Variants in RGS5 observed in about 807,000 individuals in gnomAD.
RGS5 encodes regulator of G protein signaling 5.
A neutral mutation model predicts 18.9 loss-of-function variants in RGS5; 20 were observed. That is an observed-to-expected ratio of 1.06 (90% confidence interval 0.74 to 1.54). The LOEUF (loss-of-function observed/expected upper bound fraction) is 1.54, where lower values mean the gene tolerates loss of function less well. Ranked by LOEUF, RGS5 falls within the 40% of genes most tolerant of loss-of-function variation. The pLI is 0.00. For synonymous variants in RGS5, 57 were observed against 76.2 expected (o/e 0.75, Z 1.31); for missense variants, 201 against 211.8 (o/e 0.95, Z 0.32).
At chr1:163,192,118 G>C (rs746719638) in intron 1 of RGS5, among the ~76,000 whole-genome samples, 1 of 152,062 alleles carries the variant, frequency 6.6e-6, no homozygotes, top group Non-Finnish European at 1.5e-5. Context: ...TAGCCTTTAC[G>C]ATAAATCAGT....
intron 2 of RGS5, among the ~76,000 whole-genome samples, chr1:163,262,184 T>C (rs1648461773): frequency 7.5e-6 from 1 of 133,536 alleles, no homozygotes; most frequent in Non-Finnish European, 1.6e-5. Context: ...TACTCTAAGT[T>C]TTAGGGTACA....
chr1:163,217,872 G>A (rs576572908), upstream of RGS5, among the ~76,000 whole-genome samples: 6 of 152,210 alleles, frequency 3.9e-5, no homozygotes, highest in East Asian at 1.9e-4. Flanking sequence ...AAATTGGTAC[G>A]CAGATTACGG....
At chr1:163,214,168 CA>C (rs1377621042) in intron 1 of RGS5, among the ~76,000 whole-genome samples, 1 of 152,094 alleles carries the variant, frequency 6.6e-6, no homozygotes, top group African/African-American at 2.4e-5. Context: ...ATTCTTATAG[CA>C]AAACCTAAGT....
At chr1:163,202,356 C>T (rs768758471) in intron 1 of RGS5, among the ~76,000 whole-genome samples, 4 of 152,194 alleles carry the variant, frequency 2.6e-5, no homozygotes, top group South Asian at 2.1e-4. Flanking sequence ...AGAGAACTCT[C>T]GGTATCTCCA....
At chr1:163,210,116 A>G (rs1175457886) in intron 1 of RGS5, among the ~76,000 whole-genome samples, 1 of 151,946 alleles carries the variant, frequency 6.6e-6, no homozygotes, top group Non-Finnish European at 1.5e-5. Flanking sequence ...CAACTTCCCA[A>G]GTTCCTAGGA....
intron 3 of RGS5, among the ~76,000 whole-genome samples, chr1:163,161,492 G>C (rs770654455): frequency 1.3e-5 from 2 of 152,188 alleles, no homozygotes; most frequent in Non-Finnish European, 2.9e-5. Context: ...CAGTATAATA[G>C]TTTGAACCAG....
chr1:163,167,321 C>A (rs1658096270), intron 2 of RGS5, among the ~76,000 whole-genome samples: 1 of 152,170 alleles, frequency 6.6e-6, no homozygotes, highest in Non-Finnish European at 1.5e-5. Flanking sequence ...AATTTGAATG[C>A]CTTGGCCTTT....
rs528147432 is a variant in RGS5, at chr1:163,151,912, T to C, written c.384+638A>G. Reference sequence around the variant, plus strand: ...AAATATTTACATATACATAATGAGATAAGATATCTTAATATGAGACCCAAG... The same window carrying C: ...AAATATTTACATATACATAATGAGACAAGATATCTTAATATGAGACCCAAG... On this transcript the variant is annotated intron_variant, in intron 4 of 4. Transcript: ENST00000313961. 9.2e-5 allele frequency among the ~76,000 whole-genome samples: 14 copies of C among 152,280 alleles called. No homozygotes were observed. The East Asian group carries it at 2.5e-3, about 27-fold the overall frequency.
At chr1:163,314,196 T>C (rs1258153110) in intron 1 of RGS5, among the ~76,000 whole-genome samples, 1 of 152,154 alleles carries the variant, frequency 6.6e-6, no homozygotes, top group African/African-American at 2.4e-5. Flanking sequence ...ATTATCTTAA[T>C]GGATTGTCCT....
At chr1:163,281,475 G>C (rs76781543) in intron 2 of RGS5, among the ~76,000 whole-genome samples, 1 of 152,126 alleles carries the variant, frequency 6.6e-6, no homozygotes, top group African/African-American at 2.4e-5. Flanking sequence ...AGAGGACGAG[G>C]GGGCCAGCCA....
rs1169308918 is a variant in RGS5 at position 163,161,967 on chromosome 1, C to A, written c.165G>T (p.Leu55=). 1.2e-6 allele frequency: 2 copies of A among 1,612,842 alleles called. No homozygotes were observed. The highest frequency in any genetic ancestry group is 1.7e-6 in the Non-Finnish European group (2 of 1,178,990). ...AATCACGCCACTGCAGGGCCTCGTC[C>A]AGCGAGGTTCTACATCAATAATAAG... is the stretch of plus-strand genomic sequence containing the variant. ...EKPAKTQKTS[L]DEALQWRDSL... is the part of the protein sequence containing the mutation. Residue 55 remains leucine (L), a synonymous_variant, in exon 3 of 5, where the codon CTG becomes CTT. Transcript: ENST00000313961.
At position 163,230,736 on chromosome 1, in the gene RGS5, A is replaced by G. The variant is rs532277240; in HGVS notation, c.-280-62368T>C. Among the ~76,000 whole-genome samples, 64 of 152,360 alleles carry G rather than the reference A, an allele frequency of 4.2e-4. 2 individuals carry two copies. The Middle Eastern group carries it at 0.017, about 40-fold the overall frequency. On this transcript the variant is annotated intron_variant, in intron 2 of 5. Transcript: ENST00000618415. The stretch of plus-strand genomic sequence containing the variant: ...TTATAACACCTGATGATTAACCTTC[A>G]GGAACTCACAGCATATTGGATTTAT...
At chr1:163,157,257 T>A (rs1371474452) in intron 3 of RGS5, among the ~76,000 whole-genome samples, 1 of 152,182 alleles carries the variant, frequency 6.6e-6, no homozygotes, top group African/African-American at 2.4e-5. Context: ...TCACTCTTAT[T>A]TAAACTCCCA....
At chr1:163,200,464 C>A (rs1013399034) in intron 1 of RGS5, among the ~76,000 whole-genome samples, 1 of 151,874 alleles carries the variant, frequency 6.6e-6, no homozygotes, top group African/African-American at 2.4e-5. Flanking sequence ...AAGACAGGAG[C>A]CTGTGTGGGG....
intron 3 of RGS5, among the ~76,000 whole-genome samples, chr1:163,159,661 A>T (rs1330801468): frequency 1.3e-5 from 2 of 152,202 alleles, no homozygotes; most frequent in African/African-American, 4.8e-5. Context: ...TAGAATAGTT[A>T]TAAATGCTTT....
chr1:163,303,537 G>A (rs896907476), intron 2 of RGS5, among the ~76,000 whole-genome samples: 2 of 152,126 alleles, frequency 1.3e-5, no homozygotes, highest in African/African-American at 2.4e-5. Context: ...TCATCAAAAC[G>A]TCAGAGAGCT....
chr1:163,164,594 T>C (rs535759890), intron 2 of RGS5, among the ~76,000 whole-genome samples: 363 of 152,306 alleles, frequency 2.4e-3, no homozygotes, highest in African/African-American at 8.3e-3. Context: ...CCCTATCCTG[T>C]GGTGTACCCT....
At chr1:163,302,367 T>C (rs1394367089) in intron 2 of RGS5, among the ~76,000 whole-genome samples, 1 of 152,210 alleles carries the variant, frequency 6.6e-6, no homozygotes, top group Non-Finnish European at 1.5e-5. Context: ...AATCTTTTCA[T>C]ACCTAAGCTT....
intron 4 of RGS5, among the ~76,000 whole-genome samples, chr1:163,147,977 G>A (rs1657219108): frequency 7.8e-6 from 1 of 129,004 alleles, no homozygotes; most frequent in South Asian, 2.5e-4. Flanking sequence ...CAGGCAGGCT[G>A]GAGTGCAGTG....
Sources: gnomAD v4.1 joint callset for allele counts (sites outside exome capture counted in the v4.1 genomes callset) on GRCh38, gnomAD v4.1.1 for gene constraint, MANE v1.5 for transcripts, NCBI Gene and HGNC (gene_info 2026-07-23, HGNC 2026-07-21) for gene names.